The following VTI1A variants were observed in gnomAD, a reference collection of about 807,000 sequenced individuals.
VTI1A encodes vesicle transport through interaction with t-SNAREs 1A, also known as vesicle transport through interaction with t-SNAREs homolog 1A.
Under a neutral mutation model 34.9 loss-of-function variants are expected in VTI1A, and 22 were observed. That is an observed-to-expected ratio of 0.63 (90% CI 0.45 to 0.90). The LOEUF is 0.90. VTI1A is among the 40% of genes least tolerant of loss of function. The pLI is 0.00. For missense variants in VTI1A, 268 were observed against 275.6 expected (o/e 0.97, Z 0.20); for synonymous variants, 87 against 97.3 (o/e 0.89, Z 0.62).
rs1015731296 is a variant in VTI1A, at chr10:112,464,714, C to T, written c.264+57C>T. ...CTTTTTTTTAAAAATGTTTCCTCCTCATGCCTCAGTCAGCATTAAATGCAC... is the reference window on the plus strand; with the variant it reads ...CTTTTTTTTAAAAATGTTTCCTCCTTATGCCTCAGTCAGCATTAAATGCAC... On this transcript the variant is annotated intron_variant, in intron 3 of 7. Transcript: ENST00000393077. The T allele has an allele frequency of 2.8e-5, 40 of 1,449,518 alleles. No individual in the cohort carries two copies. In the Middle Eastern group the frequency reaches 5.1e-4, roughly 19 times the overall value. The allele number at this position is 1,449,518 out of a possible 1,614,324, so 89.8% of individuals were successfully genotyped here.
At chr10:112,710,378 T>A (rs548107567) in intron 7 of VTI1A, among the ~76,000 whole-genome samples, 2 of 152,080 alleles carry the variant, frequency 1.3e-5, no homozygotes, top group East Asian at 3.9e-4. Context: ...GCCTAACTTT[T>A]GTATTTTTAG....
chr10:112,548,972 C>T, intron 5 of VTI1A: 1 of 655,396 alleles, frequency 1.5e-6, no homozygotes, highest in Non-Finnish European at 2.6e-6. Context: ...TTCTTCTCTT[C>T]TTCTCCTTCC....
intron 3 of VTI1A, among the ~76,000 whole-genome samples, chr10:112,523,048 G>A (rs1173619870): frequency 6.6e-6 from 1 of 152,064 alleles, no homozygotes; most frequent in Non-Finnish European, 1.5e-5. Flanking sequence ...TTCACATGTA[G>A]AATCATACAG....
At chr10:112,853,072 C>T in the VTI1A span, among the ~76,000 whole-genome samples, 10 of 152,338 alleles carry the variant, frequency 6.6e-5, no homozygotes, top group South Asian at 1.0e-3. Flanking sequence ...GCATGAGCCA[C>T]CGCGCCCGGC....
At chr10:112,672,457 G>A (rs978176057) in intron 7 of VTI1A, among the ~76,000 whole-genome samples, 5 of 152,172 alleles carry the variant, frequency 3.3e-5, no homozygotes, top group African/African-American at 1.2e-4. Context: ...GACATGTGAT[G>A]GAGAGCCATC....
At chr10:112,812,674 T>TA (rs1564935435) in intron 7 of VTI1A, among the ~76,000 whole-genome samples, 1 of 152,096 alleles carries the variant, frequency 6.6e-6, no homozygotes, top group African/African-American at 2.4e-5. Flanking sequence ...CAAGCTTGCT[T>TA]AGAGCTCTCT....
At chr10:112,476,510 A>T (rs1322360699) in intron 3 of VTI1A, among the ~76,000 whole-genome samples, 1 of 152,222 alleles carries the variant, frequency 6.6e-6, no homozygotes, top group Non-Finnish European at 1.5e-5. Flanking sequence ...CAAACATTAA[A>T]GAAGAAACAG....
the VTI1A span, among the ~76,000 whole-genome samples, chr10:112,840,442 A>C: frequency 8.5e-5 from 13 of 152,290 alleles, no homozygotes; most frequent in South Asian, 4.1e-4. Flanking sequence ...AACACAAGTG[A>C]TGGTGGCTAG....
chr10:112,772,861 T>C (rs759335089), intron 7 of VTI1A, among the ~76,000 whole-genome samples: 51 of 152,216 alleles, frequency 3.4e-4, no homozygotes, highest in Non-Finnish European at 6.0e-4. Context: ...TGGAAACCCA[T>C]TGGTCAGTCG....
chr10:112,853,800 C>T, the VTI1A span, among the ~76,000 whole-genome samples: 2 of 152,168 alleles, frequency 1.3e-5, no homozygotes, highest in African/African-American at 4.8e-5. Context: ...GGCCCTTTAC[C>T]AAAAGCTCTG....
chr10:112,551,957 A>G (rs997905365), intron 5 of VTI1A, among the ~76,000 whole-genome samples: 3 of 152,194 alleles, frequency 2.0e-5, no homozygotes, highest in African/African-American at 7.2e-5. Flanking sequence ...AACATTTTCC[A>G]TCAAACTTTT....
chr10:112,623,580 G>A (rs1845814138), intron 5 of VTI1A, among the ~76,000 whole-genome samples: 1 of 151,976 alleles, frequency 6.6e-6, no homozygotes, highest in Non-Finnish European at 1.5e-5. Context: ...GTTGGCTACT[G>A]TGTGGCCAGG....
At chr10:112,633,828 A>C (rs2134633076) in intron 5 of VTI1A, among the ~76,000 whole-genome samples, 1 of 152,242 alleles carries the variant, frequency 6.6e-6, no homozygotes, top group African/African-American at 2.4e-5. Flanking sequence ...AATTTATTTA[A>C]ATAGCATTAT....
the VTI1A span, among the ~76,000 whole-genome samples, chr10:112,847,155 C>T: frequency 1.3e-5 from 2 of 152,148 alleles, no homozygotes; most frequent in African/African-American, 4.8e-5. Flanking sequence ...AGCTTATTTC[C>T]TTCAAATTAT....
At chr10:112,751,476 A>T (rs970562447) in intron 7 of VTI1A, among the ~76,000 whole-genome samples, 20 of 72,270 alleles carry the variant, frequency 2.8e-4, no homozygotes, top group East Asian at 1.5e-3. Context: ...TTAACTGTTT[A>T]AAAAAAAAAA....
chr10:112,627,491 G>A (rs1265499789), intron 5 of VTI1A, among the ~76,000 whole-genome samples: 3 of 151,782 alleles, frequency 2.0e-5, no homozygotes, highest in East Asian at 1.9e-4. Flanking sequence ...TAAAAGGATC[G>A]TCCCCTTTAC....
intron 7 of VTI1A, among the ~76,000 whole-genome samples, chr10:112,677,246 T>G (rs926194513): frequency 1.3e-5 from 2 of 152,252 alleles, no homozygotes; most frequent in South Asian, 4.2e-4. Context: ...ACCTTTGGAA[T>G]AGGAATATTC....
chr10:112,548,690 T>C, intron 5 of VTI1A: 1 of 1,252,928 alleles, frequency 8.0e-7, no homozygotes, highest in Admixed American at 1.7e-5. Context: ...AGCCTTCTTG[T>C]CCACTGCTTT....
chr10:112,569,513 A>T (rs1333357785), intron 5 of VTI1A, among the ~76,000 whole-genome samples: 1 of 152,210 alleles, frequency 6.6e-6, no homozygotes, highest in African/African-American at 2.4e-5. Flanking sequence ...AACATCTCTT[A>T]AGTTTATACT....
Sources: gnomAD v4.1 joint callset for allele counts (sites outside exome capture counted in the v4.1 genomes callset) on GRCh38, gnomAD v4.1.1 for gene constraint, MANE v1.5 for transcripts, NCBI Gene and HGNC (gene_info 2026-07-23, HGNC 2026-07-21) for gene names.